NKAIN2: variants seen among roughly 807,000 people sequenced by gnomAD.
NKAIN2 encodes sodium/potassium-transporting ATPase subunit beta-1-interacting protein 2.
A neutral mutation model predicts 32.6 loss-of-function variants in NKAIN2; 14 were observed. That is an observed-to-expected ratio of 0.43 (90% CI 0.28 to 0.67). The LOEUF (loss-of-function observed/expected upper bound fraction) is 0.67, where lower values mean the gene tolerates loss of function less well. Among genes scored for constraint, NKAIN2 ranks in the 30% least tolerant of loss-of-function variants. NKAIN2 has a pLI of 0.17. For synonymous variants in NKAIN2, 80 were observed against 87.2 expected (o/e 0.92, Z 0.46); for missense variants, 198 against 258.3 (o/e 0.77, Z 1.60).
chr6:124,375,403 TATATATATATGTATATAAATTAC>T (rs1327022784), intron 3 of NKAIN2, among the ~76,000 whole-genome samples: 20 of 145,216 alleles, frequency 1.4e-4, no homozygotes, highest in African/African-American at 5.1e-4. Context: ...GTATATAAAT[TATATATATATGTATATAAATTAC>T]ATATATATAT....
chr6:124,006,208 T>A (rs1780067962), intron 1 of NKAIN2, among the ~76,000 whole-genome samples: 1 of 152,088 alleles, frequency 6.6e-6, no homozygotes, highest in African/African-American at 2.4e-5. Flanking sequence ...GAACCAGAAT[T>A]TACACAGGAA....
intron 1 of NKAIN2, among the ~76,000 whole-genome samples, chr6:123,925,376 G>C (rs1313503883): frequency 6.6e-6 from 1 of 152,136 alleles, no homozygotes; most frequent in East Asian, 1.9e-4. Context: ...AAATGTCCAA[G>C]GGCTATAAAA....
chr6:124,208,214 A>T lies in NKAIN2; in HGVS notation c.55-74791A>T, dbSNP rs141405068. ...TTAGCATCTCAGCCTCAATTTCTTGATATATAAAATTTGAATAATGATAAT... is the reference window on the plus strand; with the variant it reads ...TTAGCATCTCAGCCTCAATTTCTTGTTATATAAAATTTGAATAATGATAAT... On this transcript the variant is annotated intron_variant, in intron 1 of 6. Transcript: ENST00000368417. Among the ~76,000 whole-genome samples, 537 of 151,934 alleles carry T rather than the reference A, an allele frequency of 3.5e-3. 1 individual carries two copies. The highest frequency in any genetic ancestry group is 6.8e-3 in the Middle Eastern group (2 of 294).
chr6:124,073,108 A>C (rs183972442), intron 1 of NKAIN2, among the ~76,000 whole-genome samples: 4 of 152,342 alleles, frequency 2.6e-5, no homozygotes, highest in Admixed American at 6.5e-5. Context: ...AACTTTCTAC[A>C]AAAGTTCAGT....
Position 124,662,615 on chromosome 6 carries a change from G to A in NKAIN2, c.474+4229G>A, listed in dbSNP as rs938300946. Among the ~76,000 whole-genome samples the A allele has an allele frequency of 5.9e-5, 9 of 152,312 alleles. 3 individuals are homozygous for A. The highest frequency in any genetic ancestry group is 2.6e-4 in the Admixed American group (4 of 15,302). On this transcript the variant is annotated intron_variant, in intron 4 of 6. Coordinates refer to ENST00000368417, the MANE Select transcript of NKAIN2 (RefSeq NM_001040214.3). Reference sequence around the variant, plus strand: ...AGTCACAGATGTGTTTAGTTATGTTGTTAATAATTTATGTTTGCCATTTGT... The same window carrying A: ...AGTCACAGATGTGTTTAGTTATGTTATTAATAATTTATGTTTGCCATTTGT...
intron 1 of NKAIN2, among the ~76,000 whole-genome samples, chr6:124,138,666 AT>A (rs1427132972): frequency 1.4e-5 from 1 of 73,846 alleles, no homozygotes; most frequent in Non-Finnish European, 2.5e-5. Flanking sequence ...ATGTTATATT[AT>A]TAATTATGTT....
At chr6:124,775,338 A>T (rs2114769928) in intron 4 of NKAIN2, among the ~76,000 whole-genome samples, 1 of 152,298 alleles carries the variant, frequency 6.6e-6, no homozygotes, top group Non-Finnish European at 1.5e-5. Context: ...CTTTCTTGGG[A>T]TGAAGCCAGC....
chr6:123,887,583 C>T (rs1000516200), intron 1 of NKAIN2, among the ~76,000 whole-genome samples: 2 of 152,112 alleles, frequency 1.3e-5, no homozygotes, highest in African/African-American at 4.8e-5. Context: ...CAGTTTTTGG[C>T]ACCCTGTTGC....
intron 4 of NKAIN2, among the ~76,000 whole-genome samples, chr6:124,711,227 A>G (rs1775435261): frequency 8.8e-6 from 1 of 113,858 alleles, no homozygotes; most frequent in South Asian, 3.2e-4. Flanking sequence ...CTTCCCTTTG[A>G]GGGTAACCCG....
In NKAIN2 at chr6:124,189,471, T is replaced by A. The variant is rs560189472; in HGVS notation, c.55-93534T>A. Among the ~76,000 whole-genome samples the A allele has an allele frequency of 2.6e-5, 4 of 152,016 alleles. No homozygotes were observed. In the East Asian group the frequency reaches 7.8e-4, roughly 30 times the overall value. ...ATCCCAGCACTTTGGGAGGCCGAGGTGGGCAGATCACGAGGTCAGGAGTTC... is the reference window on the plus strand; with the variant it reads ...ATCCCAGCACTTTGGGAGGCCGAGGAGGGCAGATCACGAGGTCAGGAGTTC... On this transcript the variant is annotated intron_variant, in intron 1 of 6. Coordinates refer to ENST00000368417, the MANE Select transcript of NKAIN2 (RefSeq NM_001040214.3).
chr6:124,386,590 G>A (rs1432606776), intron 3 of NKAIN2, among the ~76,000 whole-genome samples: 8 of 152,152 alleles, frequency 5.3e-5, no homozygotes, highest in Non-Finnish European at 1.0e-4. Context: ...GGGCGCAATG[G>A]TTTTGGCATT....
chr6:124,156,180 A>G (rs1787979455), intron 1 of NKAIN2, among the ~76,000 whole-genome samples: 1 of 152,150 alleles, frequency 6.6e-6, no homozygotes, highest in African/African-American at 2.4e-5. Context: ...GGGAACAGAA[A>G]GCAGGTCACT....
At chr6:124,666,004 T>G (rs910920748) in intron 4 of NKAIN2, among the ~76,000 whole-genome samples, 1 of 152,176 alleles carries the variant, frequency 6.6e-6, no homozygotes, top group Non-Finnish European at 1.5e-5. Context: ...AACTGTCTTG[T>G]GCCTGCAATA....
chr6:124,434,991 A>C (rs1269696531), intron 3 of NKAIN2, among the ~76,000 whole-genome samples: 1 of 152,164 alleles, frequency 6.6e-6, no homozygotes, highest in Non-Finnish European at 1.5e-5. Context: ...TCTTGAATAG[A>C]GTTACTTATT....
At chr6:124,545,910 A>T (rs1780079351) in intron 3 of NKAIN2, among the ~76,000 whole-genome samples, 1 of 152,042 alleles carries the variant, frequency 6.6e-6, no homozygotes, top group Non-Finnish European at 1.5e-5. Context: ...GATACTGTAT[A>T]CTCTAATGAC....
intron 1 of NKAIN2, among the ~76,000 whole-genome samples, chr6:124,062,534 T>C (rs964148740): frequency 6.6e-6 from 1 of 152,124 alleles, no homozygotes; most frequent in Non-Finnish European, 1.5e-5. Context: ...GCTCAGGTGA[T>C]CCTCCCACCT....
At chr6:124,287,593 A>G (rs938081733) in intron 2 of NKAIN2, among the ~76,000 whole-genome samples, 4 of 152,220 alleles carry the variant, frequency 2.6e-5, no homozygotes, top group African/African-American at 9.6e-5. Context: ...AGCAAAGGAA[A>G]CCTGAAGCCA....
At chr6:123,976,402 T>A (rs1265442946) in intron 1 of NKAIN2, among the ~76,000 whole-genome samples, 1 of 62,084 alleles carries the variant, frequency 1.6e-5, no homozygotes, top group African/African-American at 6.3e-5. Flanking sequence ...TATATATATA[T>A]ATATATATAT....
intron 1 of NKAIN2, among the ~76,000 whole-genome samples, chr6:123,890,017 C>T (rs547796432): frequency 6.6e-6 from 1 of 152,122 alleles, no homozygotes; most frequent in East Asian, 1.9e-4. Flanking sequence ...TGAGAAGAAC[C>T]TACCACTCAT....
Sources: gnomAD v4.1 joint callset for allele counts (sites outside exome capture counted in the v4.1 genomes callset) on GRCh38, gnomAD v4.1.1 for gene constraint, MANE v1.5 for transcripts, NCBI Gene and HGNC (gene_info 2026-07-23, HGNC 2026-07-21) for gene names.